The following RBFOX1 variants were observed in gnomAD, a reference collection of about 807,000 sequenced individuals.
The protein encoded by RBFOX1 is RNA binding fox-1 homolog 1, also known as RNA binding protein fox-1 homolog 1.
RBFOX1 carries 8 observed loss-of-function variants against 57.7 expected under a neutral mutation model. The observed-to-expected ratio is 0.14, with a 90% CI of 0.08 to 0.25. RBFOX1 has a LOEUF of 0.25. RBFOX1 is among the 10% of genes least tolerant of loss of function. The pLI, the probability that RBFOX1 is intolerant of heterozygous loss-of-function variation, is 1.00. For synonymous variants in RBFOX1, 326 were observed against 222.4 expected, an observed-to-expected ratio of 1.47 and a Z score of -4.15; for missense variants, 611 against 548.5, an observed-to-expected ratio of 1.11 and a Z score of -1.14.
intron 1 of RBFOX1, 23 bp downstream of exon 1, chr16:6,020,015 C>T (rs1596422832): frequency 7.4e-6 from 11 of 1,490,276 alleles, no homozygotes; most frequent in Non-Finnish European, 3.6e-6. Flanking sequence ...GGAGTCATTG[C>T]CTCTGCACCC....
rs114716970 is a variant in RBFOX1 at position 5,635,085 on chromosome 16, A to C, written c.318+36124A>C. 7.0e-3 allele frequency among the ~76,000 whole-genome samples: 1,065 copies of C among 152,314 alleles called. 21 individuals are homozygous for C. Among genetic ancestry groups the C allele is most frequent in the African/African-American group, 0.025 (1,036 of 41,570 alleles). On this transcript the variant is annotated intron_variant, in intron 3 of 19. Transcript: ENST00000641259. ...AGGGGAAATATGCTAGCCAGCCCCA[A>C]ATGGGAACTAATACAGTGTATCACT... is the stretch of plus-strand genomic sequence containing the variant.
chr16:5,310,556 C>G (rs1480546729), intron 1 of RBFOX1, among the ~76,000 whole-genome samples: 1 of 152,100 alleles, frequency 6.6e-6, no homozygotes. Flanking sequence ...TTGTACCTGT[C>G]CAGGTCATTT....
rs1402903464 is a variant in RBFOX1, at chr16:6,211,396, T to C, written c.-126-105599T>C. Among the ~76,000 whole-genome samples, 4 of 151,962 alleles carry C rather than the reference T, an allele frequency of 2.6e-5. No individual in the cohort carries two copies. In the East Asian group the frequency reaches 7.8e-4, roughly 30 times the overall value. On this transcript the variant is annotated intron_variant, in intron 1 of 15. Transcript: ENST00000550418. ...GGTGCCCACCACCACACCCGGCTAA[T>C]TTTTTGTACATTTAGTAGAGACAGG...
intron 3 of RBFOX1, among the ~76,000 whole-genome samples, chr16:5,779,373 A>G (rs2054253784): frequency 6.6e-6 from 1 of 152,188 alleles, no homozygotes. Context: ...GCACGAAAGC[A>G]TTTTCATCAG....
At position 5,947,535 on chromosome 16, in the gene RBFOX1, C is replaced by T. The variant is rs1226208794; in HGVS notation, c.351+80200C>T. Among the ~76,000 whole-genome samples, 1 of 152,138 alleles carries T rather than the reference C, an allele frequency of 6.6e-6. No individual in the cohort carries two copies. On this transcript the variant is annotated intron_variant, in intron 4 of 19. Coordinates refer to the RBFOX1 transcript ENST00000641259. The surrounding 1 kb of genome is among the most constrained non-coding windows in gnomAD (Gnocchi z 7.2). Reference sequence around the variant, plus strand: ...CAGGGGTCTCTGTATGTTGCCTAGGCTGGTGTCAGACTCCTAGCCCCAAGC... The same window carrying T: ...CAGGGGTCTCTGTATGTTGCCTAGGTTGGTGTCAGACTCCTAGCCCCAAGC...
At chr16:5,712,332 G>T (rs2051520851) in intron 3 of RBFOX1, among the ~76,000 whole-genome samples, 1 of 152,198 alleles carries the variant, frequency 6.6e-6, no homozygotes, top group Admixed American at 6.5e-5. Flanking sequence ...CCTTCTAGGA[G>T]ATTAGAAATA....
intron 2 of RBFOX1, among the ~76,000 whole-genome samples, chr16:5,533,122 T>G (rs73516460): frequency 6.6e-6 from 1 of 152,144 alleles, no homozygotes; most frequent in African/African-American, 2.4e-5. Context: ...AAGGAGTTAT[T>G]CGTCATAACA....
chr16:7,459,926 A>G (rs879851564), intron 4 of RBFOX1, among the ~76,000 whole-genome samples: 2 of 152,188 alleles, frequency 1.3e-5, no homozygotes, highest in Non-Finnish European at 2.9e-5. Context: ...GACAGAAATT[A>G]TGTTTTAATA....
intron 2 of RBFOX1, among the ~76,000 whole-genome samples, chr16:6,405,220 G>A (rs1045678079): frequency 6.6e-6 from 1 of 152,158 alleles, no homozygotes; most frequent in African/African-American, 2.4e-5. Flanking sequence ...AAGAGCAGAT[G>A]GCTGGGATTT....
chr16:5,446,483 G>A (rs1208597885), intron 1 of RBFOX1, among the ~76,000 whole-genome samples: 1 of 151,992 alleles, frequency 6.6e-6, no homozygotes, highest in Non-Finnish European at 1.5e-5. Context: ...ATTAAACCTG[G>A]TTGTCTCCCT....
At chr16:6,985,842 A>AAAAAAAAAAC (rs2090126788) in intron 3 of RBFOX1, among the ~76,000 whole-genome samples, 5 of 122,644 alleles carry the variant, frequency 4.1e-5, no homozygotes. Flanking sequence ...TAAAAAAAAA[A>AAAAAAAAAAC]AAAAACAGAA....
chr16:7,517,219 A>G, intron 4 of RBFOX1, among the ~76,000 whole-genome samples: 1 of 151,138 alleles, frequency 6.6e-6, no homozygotes, highest in Admixed American at 6.6e-5. Context: ...GGAGGTAAAG[A>G]GAGAGAGCTG....
intron 3 of RBFOX1, among the ~76,000 whole-genome samples, chr16:5,742,561 G>T (rs796596852): frequency 6.6e-6 from 1 of 152,134 alleles, no homozygotes; most frequent in South Asian, 2.1e-4. Flanking sequence ...CCATAAGAAC[G>T]TCTGGCACAT....
At chr16:6,985,107 C>T (rs147380699) in intron 3 of RBFOX1, among the ~76,000 whole-genome samples, 134 of 152,132 alleles carry the variant, frequency 8.8e-4, no homozygotes, top group African/African-American at 3.0e-3. Flanking sequence ...CCTCTCCTTC[C>T]TTCCCCTACC....
intron 2 of RBFOX1, among the ~76,000 whole-genome samples, chr16:6,646,608 A>T (rs2098537058): frequency 6.6e-6 from 1 of 152,062 alleles, no homozygotes; most frequent in South Asian, 2.1e-4. Flanking sequence ...CAAACTTAAC[A>T]TATTTTCACT....
At chr16:7,517,447 A>C (rs566853111) in intron 4 of RBFOX1, among the ~76,000 whole-genome samples, 17 of 152,100 alleles carry the variant, frequency 1.1e-4, no homozygotes, top group Non-Finnish European at 2.2e-4. Context: ...AATGCTTAAA[A>C]TGGGGATGTC....
At chr16:5,769,146 C>G (rs922069116) in intron 3 of RBFOX1, among the ~76,000 whole-genome samples, 2 of 152,014 alleles carry the variant, frequency 1.3e-5, no homozygotes, top group Admixed American at 6.6e-5. Flanking sequence ...GCATTTAAAC[C>G]TGACGTTTTT....
chr16:7,402,920 G>A (rs2148845904), intron 4 of RBFOX1, among the ~76,000 whole-genome samples: 1 of 152,250 alleles, frequency 6.6e-6, no homozygotes, highest in Middle Eastern at 3.4e-3. Flanking sequence ...ATAGATGTAG[G>A]AAGGCTTGGA....
intron 3 of RBFOX1, among the ~76,000 whole-genome samples, chr16:6,794,311 G>T (rs2083530898): frequency 7.2e-6 from 1 of 138,330 alleles, no homozygotes; most frequent in Non-Finnish European, 1.5e-5. Flanking sequence ...TACAATGAAG[G>T]CATTCCAATC....
Sources: allele counts gnomAD v4.1 joint callset (sites outside exome capture counted in the v4.1 genomes callset), GRCh38; gene constraint gnomAD v4.1.1; non-coding constraint Gnocchi (gnomAD v3.1); transcripts MANE v1.5; gene names NCBI Gene and HGNC (gene_info 2026-07-23, HGNC 2026-07-21).